FBXO28: variants seen among roughly 807,000 people sequenced by gnomAD.
FBXO28 encodes F-box protein 28.
A neutral mutation model predicts 38.1 loss-of-function variants in FBXO28; 8 were observed. The observed-to-expected ratio is 0.21, with a 90% CI of 0.12 to 0.38. FBXO28 has a LOEUF of 0.38. FBXO28 is among the 10% of genes least tolerant of loss of function. The pLI, the probability that FBXO28 is intolerant of heterozygous loss-of-function variation, is 1.00. For synonymous variants in FBXO28, 168 were observed against 173.8 expected (o/e 0.97, Z 0.26); for missense variants, 345 against 460.6 (o/e 0.75, Z 2.30).
chr1:224,156,023 T>C (rs367977099), intron 4 of FBXO28, among the ~76,000 whole-genome samples: 28 of 152,104 alleles, frequency 1.8e-4, no homozygotes, highest in African/African-American at 6.8e-4. Flanking sequence ...GAAGTAACGA[T>C]TGATTTAAGC....
At position 224,157,819 on chromosome 1, in the gene FBXO28, G is replaced by T; in HGVS notation, c.*73G>T. On this transcript the variant is annotated 3_prime_UTR_variant, in exon 5 of 5. Transcript: ENST00000366862. The stretch of plus-strand genomic sequence containing the variant: ...AAGCAGTTATGCATATCAGGATACT[G>T]TGAGCAACATGGTGTCCCTTAAGCT... 2 of 1,509,476 alleles carry T rather than the reference G, an allele frequency of 1.3e-6. No individual in the cohort carries two copies. Among genetic ancestry groups the T allele is most frequent in the East Asian group, 2.3e-5 (1 of 43,754 alleles). The allele number at this position is 1,509,476 out of a possible 1,614,324, so 93.5% of individuals were successfully genotyped here. A position where few individuals can be genotyped will look rare whatever the true frequency, so the allele number is the denominator to read the frequency against.
At chr1:224,133,043 A>G (rs1484730262) in intron 2 of FBXO28, among the ~76,000 whole-genome samples, 1 of 152,242 alleles carries the variant, frequency 6.6e-6, no homozygotes, top group African/African-American at 2.4e-5. Flanking sequence ...GCATGATGGA[A>G]TATTATTGGG....
intron 3 of FBXO28, among the ~76,000 whole-genome samples, chr1:224,143,132 G>A (rs1392721488): frequency 6.6e-6 from 1 of 150,702 alleles, no homozygotes; most frequent in Admixed American, 6.6e-5. Context: ...CGGGTGCAGT[G>A]GTGCGGAACC....
intron 3 of FBXO28, among the ~76,000 whole-genome samples, chr1:224,150,255 T>C (rs757866792): frequency 3.3e-5 from 5 of 152,030 alleles, no homozygotes; most frequent in African/African-American, 4.8e-5. Context: ...ACCCAGGAGG[T>C]GGAGGTTACA....
intron 4 of FBXO28, among the ~76,000 whole-genome samples, chr1:224,153,928 A>T (rs1190768759): frequency 6.6e-6 from 1 of 151,364 alleles, no homozygotes; most frequent in Non-Finnish European, 1.5e-5. Context: ...TCTCAAAAAA[A>T]AAAAAAAGAA....
chr1:224,134,861 T>C (rs1208965048), intron 3 of FBXO28, among the ~76,000 whole-genome samples: 3 of 152,234 alleles, frequency 2.0e-5, no homozygotes, highest in African/African-American at 7.2e-5. Flanking sequence ...GGTAGAGATA[T>C]AATTAAAGGT....
intron 3 of FBXO28, among the ~76,000 whole-genome samples, chr1:224,146,754 C>T (rs1657517617): frequency 7.5e-6 from 1 of 133,544 alleles, no homozygotes; most frequent in Non-Finnish European, 1.5e-5. Flanking sequence ...GTCGCCCAGG[C>T]TGGAGTGCAG....
intron 1 of FBXO28, among the ~76,000 whole-genome samples, chr1:224,121,778 A>G (rs1033398117): frequency 6.8e-6 from 1 of 145,998 alleles, no homozygotes; most frequent in South Asian, 2.2e-4. Flanking sequence ...TCCAAATAGA[A>G]TTTTTTTTTT....
At chr1:224,121,004 TA>T (rs1656759454) in intron 1 of FBXO28, among the ~76,000 whole-genome samples, 2 of 152,108 alleles carry the variant, frequency 1.3e-5, no homozygotes, top group African/African-American at 4.8e-5. Flanking sequence ...TTTTTTTTTT[TA>T]CATTTTTCAT....
At chr1:224,138,514 G>T (rs1005620560) in intron 3 of FBXO28, among the ~76,000 whole-genome samples, 1 of 151,714 alleles carries the variant, frequency 6.6e-6, no homozygotes, top group Non-Finnish European at 1.5e-5. Context: ...TCTTCTCTCA[G>T]AACTAAGATG....
intron 3 of FBXO28, among the ~76,000 whole-genome samples, chr1:224,148,768 T>C (rs1042390094): frequency 1.3e-5 from 2 of 152,170 alleles, no homozygotes; most frequent in African/African-American, 4.8e-5. Context: ...CTATCACCTA[T>C]CCATCCACAT....
intron 1 of FBXO28, among the ~76,000 whole-genome samples, chr1:224,116,370 A>G (rs1656643294): frequency 6.6e-6 from 1 of 152,138 alleles, no homozygotes; most frequent in Non-Finnish European, 1.5e-5. Flanking sequence ...GGCAGTCAAG[A>G]GAGTACCTAG....
chr1:224,118,554 T>C (rs1457169955), intron 1 of FBXO28, among the ~76,000 whole-genome samples: 2 of 152,238 alleles, frequency 1.3e-5, no homozygotes, highest in African/African-American at 4.8e-5. Flanking sequence ...ATACGTGCTT[T>C]TGTCTCAAGA....
At chr1:224,151,643 T>C (rs946758799) in intron 3 of FBXO28, among the ~76,000 whole-genome samples, 2 of 152,170 alleles carry the variant, frequency 1.3e-5, no homozygotes, top group African/African-American at 4.8e-5. Flanking sequence ...ATATGTGGGA[T>C]GCCAGGTTGT....
intron 3 of FBXO28, among the ~76,000 whole-genome samples, chr1:224,143,835 CAAA>C (rs33965694): frequency 1.7e-5 from 2 of 119,190 alleles, no homozygotes; most frequent in Non-Finnish European, 1.7e-5. Flanking sequence ...GACTCCATCT[CAAA>C]AAAAAAAAAA....
chr1:224,149,451 A>G (rs1492694), intron 3 of FBXO28, among the ~76,000 whole-genome samples: 62,745 of 151,982 alleles, frequency 0.41, 13,141 homozygotes, highest in East Asian at 0.56. Context: ...TCGGCCTCCC[A>G]AAGTGCTGGC....
rs758418791 is a variant in FBXO28 at position 224,157,560 on chromosome 1, C to T, written c.921C>T (p.Thr307=). ...AGGACCAGAAACTGCTAGAGCAGAC[C>T]CAGATCATAGGTGAACAAAATGCAC... is the stretch of plus-strand genomic sequence containing the variant. The part of the protein sequence containing the change: ...QDQDQKLLEQ[T]QIIGEQNARL... The change falls in exon 5 of 5, where the codon ACC becomes ACT. Residue 307 remains threonine (T), a synonymous_variant. Coordinates refer to ENST00000366862, the MANE Select transcript of FBXO28 (RefSeq NM_015176.4). The T allele has an allele frequency of 6.2e-7, 1 of 1,614,188 alleles. No individual in the cohort carries two copies. Among genetic ancestry groups the T allele is most frequent in the Admixed American group, 1.7e-5 (1 of 60,010 alleles).
chr1:224,133,791 G>A (rs1191261977), intron 2 of FBXO28, among the ~76,000 whole-genome samples: 3 of 151,694 alleles, frequency 2.0e-5, no homozygotes, highest in East Asian at 3.9e-4. Context: ...GATTACAGGC[G>A]TGAGCCTCCA....
rs1306079848 is a variant in FBXO28, at chr1:224,160,509, C to G, written c.*2763C>G. On this transcript the variant is annotated 3_prime_UTR_variant, in exon 5 of 5. Coordinates refer to ENST00000366862, the MANE Select transcript of FBXO28 (RefSeq NM_015176.4). ...AGAGACAGAAACGGCTGACCTTACC[C>G]CACCCCAGCCGGATCCTCTGCTTAT... 6.6e-6 allele frequency: 1 copy of G among 152,174 alleles called. No individual in the cohort carries two copies. Among genetic ancestry groups the G allele is most frequent in the Non-Finnish European group, 1.5e-5 (1 of 68,040 alleles). 9.4% of individuals were successfully genotyped at this position (152,174 alleles called of 1,614,324 possible). A position where few individuals can be genotyped will look rare whatever the true frequency, so the allele number is the denominator to read the frequency against.
Sources: gnomAD v4.1 joint callset for allele counts (sites outside exome capture counted in the v4.1 genomes callset) on GRCh38, gnomAD v4.1.1 for gene constraint, MANE v1.5 for transcripts, NCBI Gene and HGNC (gene_info 2026-07-23, HGNC 2026-07-21) for gene names.